TBCD: variants seen among roughly 807,000 people sequenced by gnomAD.
The protein encoded by TBCD is tubulin-specific chaperone D.
Under a neutral mutation model 169.3 loss-of-function variants are expected in TBCD, and 105 were observed. The ratio of observed to expected loss-of-function variants is 0.62; its 90% CI spans 0.53 to 0.73. The LOEUF (loss-of-function observed/expected upper bound fraction) is 0.73, where lower values mean the gene tolerates loss of function less well. Among genes scored for constraint, TBCD ranks in the 30% least tolerant of loss-of-function variants. The pLI, the probability that TBCD is intolerant of heterozygous loss-of-function variation, is 0.00. For synonymous variants in TBCD, 700 were observed against 643.9 expected (o/e 1.09, Z -1.32); for missense variants, 1,444 against 1,600.1 (o/e 0.90, Z 1.66).
chr17:82,756,983 G>T (rs989389117), intron 2 of TBCD, among the ~76,000 whole-genome samples: 3 of 152,182 alleles, frequency 2.0e-5, no homozygotes, highest in South Asian at 2.1e-4. Flanking sequence ...AGTGTAAGGG[G>T]TGTGGTTTCT....
At position 82,831,938 on chromosome 17, in the gene TBCD, G is replaced by T; in HGVS notation, c.1318+17004G>T. The T allele has an allele frequency of 2.5e-6, 4 of 1,614,122 alleles. No homozygotes were observed. The South Asian group carries it at 3.3e-5, about 13-fold the overall frequency. On this transcript the variant is annotated intron_variant, in intron 13 of 38. Coordinates refer to ENST00000355528, the MANE Select transcript of TBCD (RefSeq NM_005993.5). The surrounding 1 kb of genome is among the most constrained non-coding windows in gnomAD (Gnocchi z 4.6). ...GTCTCGGGCGCCTCGGCGTTGTCTG[G>T]CCCCTTGAGTCTGTGCTCGCCGACT...
intron 30 of TBCD, among the ~76,000 whole-genome samples, chr17:82,928,310 G>A (rs1450850309): frequency 6.6e-6 from 1 of 152,202 alleles, no homozygotes; most frequent in African/African-American, 2.4e-5. Context: ...CAGGAGGTGG[G>A]GACTTCTCAG....
Position 82,942,418 on chromosome 17 carries a change from CCAGCCTGAGCTTGTCTTGTCTCTTCTT to C in TBCD, c.3565-23_3568del. 1.2e-6 allele frequency: 2 copies of C among 1,613,910 alleles called. No individual in the cohort carries two copies. Among genetic ancestry groups the C allele is most frequent in the South Asian group, 1.1e-5 (1 of 91,070 alleles). ...TGGGAATGGTGTGTGTTGGAGCTGA[CCAGCCTGAGCTTGTCTTGTCTCTTCTT>C]CAGCCTGGTGCCTGCTGAAGCCAGT... On this transcript the variant is annotated splice_polypyrimidine_tract_variant and splice_region_variant and intron_variant, in intron 38 of 38. Transcript: ENST00000355528.
chr17:82,794,258 G>T (rs184240319), intron 7 of TBCD, among the ~76,000 whole-genome samples: 29 of 152,376 alleles, frequency 1.9e-4, no homozygotes, highest in East Asian at 9.6e-4. Context: ...ATGCCCCAGG[G>T]GGGGGAAGCT....
chr17:82,838,990 T>G, intron 13 of TBCD: 1 of 985,078 alleles, frequency 1.0e-6, no homozygotes, highest in Non-Finnish European at 1.2e-6. Context: ...AAATCAAGTT[T>G]ATGAGAAATT....
At chr17:82,942,122 G>A in intron 38 of TBCD, 1 of 478,802 alleles carries the variant, frequency 2.1e-6, no homozygotes, top group Non-Finnish European at 3.7e-6. Context: ...TGTGTGTAAA[G>A]GCTGAACTCA....
chr17:82,942,286 A>G lies in TBCD; in HGVS notation c.3565-163A>G, dbSNP rs1041234826. 7.3e-6 allele frequency: 7 copies of G among 961,552 alleles called. No individual in the cohort carries two copies. The Admixed American group carries it at 1.6e-4, about 22-fold the overall frequency. 59.6% of individuals were successfully genotyped at this position (961,552 alleles called of 1,614,324 possible). ...GACACGTTAGTCATGAGCACCTGTC[A>G]GCCACATAGCTCAGGCTGCCGGGTG... On this transcript the variant is annotated intron_variant, in intron 38 of 38. Transcript: ENST00000355528.
At chr17:82,899,865 C>G (rs1000956451) in intron 17 of TBCD, among the ~76,000 whole-genome samples, 2 of 152,318 alleles carry the variant, frequency 1.3e-5, no homozygotes, top group Non-Finnish European at 2.9e-5. Flanking sequence ...TGGCTGAATA[C>G]TGATGTTGGA....
chr17:82,830,511 T>C, intron 13 of TBCD: 1 of 1,613,658 alleles, frequency 6.2e-7, no homozygotes, highest in South Asian at 1.1e-5. Context: ...CGAGGCTGCC[T>C]GGCTTGGTCT....
At chr17:82,879,484 A>G (rs1032041650) in intron 14 of TBCD, among the ~76,000 whole-genome samples, 39 of 152,128 alleles carry the variant, frequency 2.6e-4, no homozygotes, top group African/African-American at 8.9e-4. Context: ...CGCTCTGTGC[A>G]TCCTCCTCAC....
chr17:82,930,744 T>C lies in TBCD; in HGVS notation c.3113+101T>C. ...GGTCTCGCAGGGTCTGTCTGGGGTC[T>C]GAAGGGAGAAGCGAGACACACGCTG... On this transcript the variant is annotated intron_variant, in intron 33 of 38. Transcript: ENST00000355528. This position sits in a 1 kb window ranked among gnomAD's most constrained non-coding sequence, Gnocchi z 5.2. 6.4e-7 allele frequency: 1 copy of C among 1,551,940 alleles called. No individual in the cohort carries two copies. The highest frequency in any genetic ancestry group is 8.7e-7 in the Non-Finnish European group (1 of 1,143,656).
chr17:82,901,996 C>T (rs7209726), intron 18 of TBCD, among the ~76,000 whole-genome samples: 52,415 of 152,038 alleles, frequency 0.34, 10,011 homozygotes, highest in African/African-American at 0.52. Context: ...GACTCTCCAG[C>T]TGGTACATAT....
At chr17:82,850,448 TTTTGC>T (rs1279312448) in intron 13 of TBCD, among the ~76,000 whole-genome samples, 25 of 143,370 alleles carry the variant, frequency 1.7e-4, no homozygotes, top group African/African-American at 2.2e-4. Context: ...GGCTGTGCTG[TTTTGC>T]TGTTGGCTGT....
intron 33 of TBCD, chr17:82,932,196 A>G (rs1055040092): frequency 8.6e-6 from 2 of 233,556 alleles, no homozygotes; most frequent in Admixed American, 1.0e-4. Flanking sequence ...GTTTTGTCCT[A>G]GAAGATTTAT....
At chr17:82,770,185 CG>C (rs1157736129) in intron 5 of TBCD, among the ~76,000 whole-genome samples, 7 of 152,172 alleles carry the variant, frequency 4.6e-5, no homozygotes, top group African/African-American at 1.7e-4. Flanking sequence ...TAGTGTCTTA[CG>C]ATGTCAGAAA....
At chr17:82,818,610 A>C (rs184169608) in intron 13 of TBCD, among the ~76,000 whole-genome samples, 56 of 152,086 alleles carry the variant, frequency 3.7e-4, no homozygotes, top group African/African-American at 1.0e-3. Context: ...TGAACAAACA[A>C]ACACACACAC....
At position 82,797,807 on chromosome 17, in the gene TBCD, G is replaced by A. The variant is rs199615656; in HGVS notation, c.817+5G>A. The stretch of plus-strand genomic sequence containing the variant: ...GTGAAGACTGTTTGCCCTATGGTAA[G>A]GTTTATTTTTAAGAGACGATATCTT... On this transcript the variant is annotated splice_donor_5th_base_variant and intron_variant, in intron 8 of 38. Coordinates refer to ENST00000355528, the MANE Select transcript of TBCD (RefSeq NM_005993.5). 5 of 1,572,116 alleles carry A rather than the reference G, an allele frequency of 3.2e-6. No homozygotes were observed. The highest frequency in any genetic ancestry group is 4.5e-5 in the East Asian group (2 of 44,488).
intron 36 of TBCD, 123 bp from the exon 37 acceptor site, chr17:82,939,244 C>A: frequency 1.3e-6 from 1 of 766,760 alleles, no homozygotes; most frequent in Non-Finnish European, 2.2e-6. Context: ...GGATGGGATG[C>A]AGGGTCAGCG....
rs36064364 is a variant in TBCD, at chr17:82,883,061, C to CTTGA, written c.1476-1082_1476-1081insGATT. On this transcript the variant is annotated intron_variant, in intron 14 of 38. Coordinates refer to ENST00000355528, the MANE Select transcript of TBCD (RefSeq NM_005993.5). Reference sequence around the variant, plus strand: ...AGCTGGATGTATCTTTCACATTTAGCTTAACAGCAGAGCTGGTGAGAGGAC... The same window carrying CTTGA: ...AGCTGGATGTATCTTTCACATTTAGCTTGATTAACAGCAGAGCTGGTGAGAGGAC... Among the ~76,000 whole-genome samples, 114 of 152,354 alleles carry CTTGA rather than the reference C, an allele frequency of 7.5e-4. 1 individual carries two copies. The highest frequency in any genetic ancestry group is 2.7e-3 in the African/African-American group (112 of 41,578).
Sources: gnomAD v4.1 joint callset for allele counts (sites outside exome capture counted in the v4.1 genomes callset) on GRCh38, gnomAD v4.1.1 for gene constraint, Gnocchi (gnomAD v3.1) non-coding constraint, MANE v1.5 for transcripts, NCBI Gene and HGNC (gene_info 2026-07-23, HGNC 2026-07-21) for gene names.